CPXM2: variants seen among roughly 807,000 people sequenced by gnomAD.
CPXM2 encodes the protein carboxypeptidase X, M14 family member 2.
CPXM2 carries 66 observed loss-of-function variants against 86.1 expected under a neutral mutation model. The ratio of observed to expected loss-of-function variants is 0.77; its 90% CI spans 0.63 to 0.94. CPXM2 has a LOEUF of 0.94. Ranked by LOEUF, CPXM2 falls within the 40% of genes least tolerant of loss-of-function variation. CPXM2 has a pLI of 0.00. For synonymous variants in CPXM2, 388 were observed against 400.2 expected (o/e 0.97, Z 0.36); for missense variants, 948 against 1,026.3 (o/e 0.92, Z 1.04).
intron 1 of CPXM2, among the ~76,000 whole-genome samples, chr10:123,890,793 C>T (rs1332399275): frequency 6.6e-6 from 1 of 152,160 alleles, no homozygotes; most frequent in African/African-American, 2.4e-5. Flanking sequence ...CAGCAGACTC[C>T]AGGCACAGAC....
At chr10:123,903,761 A>G (rs1564818648) in intron 2 of CPXM2, among the ~76,000 whole-genome samples, 1 of 152,240 alleles carries the variant, frequency 6.6e-6, no homozygotes, top group Non-Finnish European at 1.5e-5. Flanking sequence ...GAAATTTTAC[A>G]ACAGATCTCG....
At chr10:123,919,127 C>A (rs1406456718) in intron 2 of CPXM2, among the ~76,000 whole-genome samples, 1 of 152,132 alleles carries the variant, frequency 6.6e-6, no homozygotes, top group African/African-American at 2.4e-5. Context: ...GAGAATTTAA[C>A]TGCTGTACAT....
At chr10:123,900,560 G>T (rs781463090) in intron 2 of CPXM2, among the ~76,000 whole-genome samples, 3 of 152,242 alleles carry the variant, frequency 2.0e-5, no homozygotes, top group Non-Finnish European at 2.9e-5. Context: ...GAGCTGGATG[G>T]TGTCAAGTGT....
At chr10:123,755,129 A>G (rs1343800112) in intron 12 of CPXM2, among the ~76,000 whole-genome samples, 1 of 152,192 alleles carries the variant, frequency 6.6e-6, no homozygotes, top group Admixed American at 6.5e-5. Context: ...CTTATCTACC[A>G]GATAGTTGAG....
intron 2 of CPXM2, among the ~76,000 whole-genome samples, chr10:123,875,632 C>T (rs1414451900): frequency 6.6e-6 from 1 of 152,094 alleles, no homozygotes; most frequent in Non-Finnish European, 1.5e-5. Context: ...TTAAAACACA[C>T]ACAAATATAC....
chr10:123,866,233 C>T lies in CPXM2; in HGVS notation c.404-3510G>A, dbSNP rs1848976552. Among the ~76,000 whole-genome samples, 7 of 152,268 alleles carry T rather than the reference C, an allele frequency of 4.6e-5. No individual in the cohort carries two copies. The South Asian group carries it at 1.2e-3, about 27-fold the overall frequency. The stretch of plus-strand genomic sequence containing the variant: ...CTTCAGCTATGAGGTGTCACAGGCA[C>T]CGTCTATGCCACTCAGCGTCCAATC... On this transcript the variant is annotated intron_variant, in intron 2 of 13. Coordinates refer to ENST00000241305, the MANE Select transcript of CPXM2 (RefSeq NM_198148.3).
chr10:123,909,947 G>A (rs1300854606), intron 2 of CPXM2, among the ~76,000 whole-genome samples: 1 of 152,192 alleles, frequency 6.6e-6, no homozygotes, highest in Non-Finnish European at 1.5e-5. Flanking sequence ...ATGCCCTCGA[G>A]AGAGGTGGCC....
intron 2 of CPXM2, among the ~76,000 whole-genome samples, chr10:123,896,986 G>A (rs1945342887): frequency 6.6e-6 from 1 of 150,950 alleles, no homozygotes; most frequent in Non-Finnish European, 1.5e-5. Flanking sequence ...TTTCTGATTG[G>A]GATTGCCCAA....
At chr10:123,909,336 T>C (rs1945469697) in intron 2 of CPXM2, among the ~76,000 whole-genome samples, 1 of 152,248 alleles carries the variant, frequency 6.6e-6, no homozygotes, top group Non-Finnish European at 1.5e-5. Flanking sequence ...TATGTTTCTA[T>C]AAATCCCGAT....
intron 5 of CPXM2, 128 bp from the exon 6 acceptor site, chr10:123,798,254 A>G (rs1847377492): frequency 1.2e-5 from 1 of 80,522 alleles, no homozygotes; most frequent in Non-Finnish European, 1.8e-5. Context: ...CATTGAAAAG[A>G]AAAAAAAAAA....
intron 2 of CPXM2, among the ~76,000 whole-genome samples, chr10:123,912,950 C>T (rs1455208548): frequency 1.3e-5 from 2 of 152,182 alleles, no homozygotes; most frequent in Non-Finnish European, 2.9e-5. Context: ...ACTCCAGACT[C>T]CTCCAAAGCT....
chr10:123,883,646 C>A (rs1945131553), intron 1 of CPXM2, among the ~76,000 whole-genome samples: 1 of 152,222 alleles, frequency 6.6e-6, no homozygotes. Flanking sequence ...GGCATTTTCA[C>A]ATAGATTCTA....
chr10:123,756,477 C>T (rs77499678), intron 12 of CPXM2, among the ~76,000 whole-genome samples: 6,903 of 152,184 alleles, frequency 0.045, 205 homozygotes, highest in South Asian at 0.13. Context: ...CAGAGCCCAG[C>T]GGTACTTGTT....
At chr10:123,898,723 C>T (rs981837471) in intron 2 of CPXM2, among the ~76,000 whole-genome samples, 1 of 152,170 alleles carries the variant, frequency 6.6e-6, no homozygotes, top group African/African-American at 2.4e-5. Context: ...CTGAAATTCC[C>T]ACCTTATAGA....
chr10:123,830,206 AC>A (rs1233883224), intron 4 of CPXM2, among the ~76,000 whole-genome samples: 1 of 152,230 alleles, frequency 6.6e-6, no homozygotes, highest in East Asian at 1.9e-4. Context: ...AAGCAAAGTG[AC>A]AAGAAAGGGA....
At chr10:123,801,461 A>G (rs186360287) in intron 4 of CPXM2, among the ~76,000 whole-genome samples, 1 of 152,174 alleles carries the variant, frequency 6.6e-6, no homozygotes, top group African/African-American at 2.4e-5. Flanking sequence ...CCTATATTGA[A>G]TCCATCACCA....
chr10:123,826,323 C>T (rs1012921577), intron 4 of CPXM2, among the ~76,000 whole-genome samples: 1 of 152,130 alleles, frequency 6.6e-6, no homozygotes, highest in Admixed American at 6.5e-5. Context: ...CCAGTTCACT[C>T]ACAGGTAGAA....
At chr10:123,881,229 T>TCCCCTCCCC (rs1564811040) in intron 1 of CPXM2, among the ~76,000 whole-genome samples, 2 of 89,676 alleles carry the variant, frequency 2.2e-5, no homozygotes. Flanking sequence ...TGGAGCACCC[T>TCCCCTCCCC]TCTCTTCCCT....
chr10:123,812,325 G>C (rs1163790042), intron 4 of CPXM2, among the ~76,000 whole-genome samples: 1 of 152,156 alleles, frequency 6.6e-6, no homozygotes, highest in Non-Finnish European at 1.5e-5. Flanking sequence ...AGTGGAAAAA[G>C]ACAATTCCAA....
Sources: gnomAD v4.1 joint callset for allele counts (sites outside exome capture counted in the v4.1 genomes callset) on GRCh38, gnomAD v4.1.1 for gene constraint, MANE v1.5 for transcripts, NCBI Gene and HGNC (gene_info 2026-07-23, HGNC 2026-07-21) for gene names.